ITGB3BP: variants seen among roughly 807,000 people sequenced by gnomAD.
ITGB3BP encodes the protein centromere protein R.
Under a neutral mutation model 29.1 loss-of-function variants are expected in ITGB3BP, and 27 were observed. The ratio of observed to expected loss-of-function variants is 0.93; its 90% CI spans 0.68 to 1.28. The LOEUF is 1.28. ITGB3BP is among the 50% of genes most tolerant of loss of function. The pLI is 0.00. For missense variants in ITGB3BP, 192 were observed against 200.2 expected (o/e 0.96, Z 0.25); for synonymous variants, 61 against 61.4 (o/e 0.99, Z 0.03).
Position 63,472,588 on chromosome 1 carries a change from A to G in ITGB3BP, c.254+6176T>C, listed in dbSNP as rs1407272430. On this transcript the variant is annotated intron_variant, in intron 4 of 8. Transcript: ENST00000271002. ...CCTCCCTGCCTGATTCTCCTGCCTC[A>G]GCCTGCCGAGTGCCTGCGATTGCAG... is the stretch of plus-strand genomic sequence containing the variant. 2.7e-5 allele frequency among the ~76,000 whole-genome samples: 4 copies of G among 149,528 alleles called. No homozygotes were observed. In the East Asian group the frequency reaches 7.9e-4, roughly 29 times the overall value.
intron 4 of ITGB3BP, among the ~76,000 whole-genome samples, chr1:63,470,329 G>A (rs1429122605): frequency 6.6e-6 from 1 of 152,140 alleles, no homozygotes; most frequent in Non-Finnish European, 1.5e-5. Context: ...ATGAGAGTTT[G>A]GGAGTCTATT....
At chr1:63,470,168 T>G (rs926434302) in intron 4 of ITGB3BP, among the ~76,000 whole-genome samples, 10 of 152,168 alleles carry the variant, frequency 6.6e-5, no homozygotes, top group Non-Finnish European at 8.8e-5. Flanking sequence ...TGGGTAAATC[T>G]CTGTTCAGGG....
upstream of ITGB3BP, chr1:63,523,326 G>T: frequency 2.8e-6 from 2 of 707,370 alleles, no homozygotes; most frequent in Non-Finnish European, 4.9e-6. Flanking sequence ...AGGAGCGAGC[G>T]GGGAGTTCTA....
chr1:63,523,297 T>G (rs2100849103), upstream of ITGB3BP: 7 of 868,310 alleles, frequency 8.1e-6, no homozygotes, highest in East Asian at 7.3e-5. Context: ...CGACGAAGGA[T>G]CCGGGTGTGC....
intron 4 of ITGB3BP, among the ~76,000 whole-genome samples, chr1:63,464,851 A>G (rs1362951750): frequency 1.3e-5 from 2 of 152,172 alleles, no homozygotes; most frequent in Non-Finnish European, 2.9e-5. Context: ...TCAGGCAAAC[A>G]CAACTGAGGA....
intron 1 of ITGB3BP, among the ~76,000 whole-genome samples, chr1:63,515,288 T>C (rs12060293): frequency 0.021 from 3,250 of 152,078 alleles, 121 homozygotes; most frequent in African/African-American, 0.074. Context: ...CTGAGCTGCT[T>C]TGGTACCTTT....
intron 2 of ITGB3BP, among the ~76,000 whole-genome samples, chr1:63,498,102 T>C (rs535340999): frequency 8.9e-4 from 135 of 152,240 alleles, no homozygotes; most frequent in African/African-American, 3.1e-3. Flanking sequence ...AATTCAACTA[T>C]AATAGTTGGA....
At chr1:63,460,707 G>C (rs1241500920) in intron 4 of ITGB3BP, among the ~76,000 whole-genome samples, 1 of 152,148 alleles carries the variant, frequency 6.6e-6, no homozygotes, top group Non-Finnish European at 1.5e-5. Flanking sequence ...AACTTTTTGA[G>C]AAAAGTGCCA....
At chr1:63,498,126 C>A (rs1254169679) in intron 2 of ITGB3BP, among the ~76,000 whole-genome samples, 2 of 151,980 alleles carry the variant, frequency 1.3e-5, no homozygotes. Flanking sequence ...TTCAATTCCC[C>A]GCATTCAATA....
At chr1:63,521,709 G>A (rs1646451292) in intron 1 of ITGB3BP, among the ~76,000 whole-genome samples, 3 of 152,070 alleles carry the variant, frequency 2.0e-5, no homozygotes, top group Admixed American at 2.0e-4. Context: ...GGGAGCCCAG[G>A]AGGTAGAGGC....
chr1:63,525,415 A>T (rs1404547287), upstream of ITGB3BP, among the ~76,000 whole-genome samples: 1 of 152,200 alleles, frequency 6.6e-6, no homozygotes. Context: ...TTACTTCCAC[A>T]TATAAAACTT....
At chr1:63,520,083 G>A (rs1353198670) in intron 1 of ITGB3BP, among the ~76,000 whole-genome samples, 1 of 152,028 alleles carries the variant, frequency 6.6e-6, no homozygotes, top group Non-Finnish European at 1.5e-5. Context: ...ACTTTTTAAA[G>A]GAAGCTTTAT....
chr1:63,461,214 A>C (rs1570148896), intron 4 of ITGB3BP, among the ~76,000 whole-genome samples: 1 of 136,012 alleles, frequency 7.4e-6, no homozygotes, highest in East Asian at 2.4e-4. Flanking sequence ...AGATTGCGCC[A>C]CTGCACTCCA....
intron 4 of ITGB3BP, among the ~76,000 whole-genome samples, chr1:63,473,384 G>A (rs1267774455): frequency 4.0e-5 from 6 of 148,244 alleles, no homozygotes; most frequent in African/African-American, 1.0e-4. Context: ...CGCCCCGTCC[G>A]GGAGGTGAGG....
chr1:63,520,802 ATT>A (rs1389069972), intron 1 of ITGB3BP, among the ~76,000 whole-genome samples: 2 of 151,886 alleles, frequency 1.3e-5, no homozygotes, highest in Non-Finnish European at 2.9e-5. Context: ...TGTATTTATC[ATT>A]TCTCTGTATT....
rs556933447 is a variant in ITGB3BP at position 63,473,034 on chromosome 1, G to A, written c.254+5730C>T. Among the ~76,000 whole-genome samples, 107 of 151,876 alleles carry A rather than the reference G, an allele frequency of 7.0e-4. 1 individual carries two copies. Among genetic ancestry groups the A allele is most frequent in the African/African-American group, 2.4e-3 (101 of 41,420 alleles). On this transcript the variant is annotated intron_variant, in intron 4 of 8. Transcript: ENST00000271002. ...CCATCCCATCTAGGAAGCGAGGAGC[G>A]CCTCTTCCCCACCGCCATCCCATCT...
chr1:63,472,644 T>G (rs1399338470), intron 4 of ITGB3BP, among the ~76,000 whole-genome samples: 44 of 142,584 alleles, frequency 3.1e-4, no homozygotes, highest in East Asian at 2.0e-4. Flanking sequence ...TTGGTTTTCG[T>G]TTTTTTTTTT....
At chr1:63,481,963 A>T (rs1645444592) in intron 3 of ITGB3BP, among the ~76,000 whole-genome samples, 1 of 152,132 alleles carries the variant, frequency 6.6e-6, no homozygotes, top group Admixed American at 6.6e-5. Context: ...CTTAACCATG[A>T]TGCAATGCTT....
chr1:63,455,627 T>TAC (rs1644922515), intron 4 of ITGB3BP, among the ~76,000 whole-genome samples: 1 of 152,102 alleles, frequency 6.6e-6, no homozygotes, highest in African/African-American at 2.4e-5. Context: ...CTTTACTTAA[T>TAC]ACAATATTAT....
Sources: allele counts gnomAD v4.1 joint callset (sites outside exome capture counted in the v4.1 genomes callset), GRCh38; gene constraint gnomAD v4.1.1; transcripts MANE v1.5; gene names NCBI Gene and HGNC (gene_info 2026-07-23, HGNC 2026-07-21).